The following KAZN variants were observed in gnomAD, a reference collection of about 807,000 sequenced individuals.
KAZN encodes the protein kazrin, periplakin interacting protein, also known as kazrin.
KAZN carries 40 observed loss-of-function variants against 87.4 expected under a neutral mutation model. That is an observed-to-expected ratio of 0.46 (90% CI 0.36 to 0.60). KAZN has a LOEUF of 0.60. Among genes scored for constraint, KAZN ranks in the 20% least tolerant of loss-of-function variants. The pLI, the probability that KAZN is intolerant of heterozygous loss-of-function variation, is 0.00. For synonymous variants in KAZN, 466 were observed against 458.3 expected, an observed-to-expected ratio of 1.02 and a Z score of -0.22; for missense variants, 898 against 1,073.9, an observed-to-expected ratio of 0.84 and a Z score of 2.29.
chr1:14,644,151 A>C (rs1680626154), intron 1 of KAZN, among the ~76,000 whole-genome samples: 1 of 151,360 alleles, frequency 6.6e-6, no homozygotes, highest in African/African-American at 2.4e-5. Flanking sequence ...AGCTGGGATT[A>C]CAGGTGCCCA....
At chr1:14,034,009 G>A (rs1015774492) in intron 1 of KAZN, among the ~76,000 whole-genome samples, 6 of 152,222 alleles carry the variant, frequency 3.9e-5, no homozygotes, top group Non-Finnish European at 8.8e-5. Flanking sequence ...ATGTGGAAAC[G>A]TCTAGCCTGG....
intron 1 of KAZN, among the ~76,000 whole-genome samples, chr1:14,888,347 G>A (rs754487246): frequency 1.2e-4 from 18 of 152,108 alleles, no homozygotes; most frequent in Admixed American, 5.9e-4. Context: ...TTCCAGGGTC[G>A]TCTTGTGCAC....
chr1:14,981,005 C>A (rs1156526443), intron 2 of KAZN, among the ~76,000 whole-genome samples: 1 of 152,170 alleles, frequency 6.6e-6, no homozygotes, highest in Non-Finnish European at 1.5e-5. Flanking sequence ...CCCATGGCCA[C>A]TGGGTCTTCC....
intron 1 of KAZN, among the ~76,000 whole-genome samples, chr1:14,019,444 T>C (rs1344757296): frequency 6.6e-6 from 1 of 152,202 alleles, no homozygotes; most frequent in African/African-American, 2.4e-5. Context: ...ATGGTCACTC[T>C]TTTCCTAGCC....
intron 1 of KAZN, among the ~76,000 whole-genome samples, chr1:14,635,139 C>T (rs1003126560): frequency 1.3e-5 from 2 of 152,158 alleles, no homozygotes; most frequent in Non-Finnish European, 2.9e-5. Context: ...ATTCAGTGAA[C>T]GTGAGCTTTG....
At chr1:14,595,964 G>T (rs929404083), upstream of KAZN, among the ~76,000 whole-genome samples, 2 of 152,118 alleles carry the variant, frequency 1.3e-5, no homozygotes. Flanking sequence ...GGGATGAGAA[G>T]GGGCTCAAGG....
chr1:14,405,052 T>TG (rs1173986027), intron 2 of KAZN, among the ~76,000 whole-genome samples: 1 of 152,044 alleles, frequency 6.6e-6, no homozygotes, highest in East Asian at 1.9e-4. Context: ...TTGTGTGTGG[T>TG]GGGGGGTAGG....
intron 2 of KAZN, among the ~76,000 whole-genome samples, chr1:14,421,104 T>G (rs1007687198): frequency 6.6e-6 from 1 of 152,350 alleles, no homozygotes; most frequent in African/African-American, 2.4e-5. Context: ...TCTTAAACAC[T>G]ATGCCTTAGG....
intron 1 of KAZN, among the ~76,000 whole-genome samples, chr1:14,042,470 G>A (rs927962673): frequency 2.0e-5 from 3 of 152,116 alleles, no homozygotes; most frequent in Non-Finnish European, 4.4e-5. Context: ...TCCTGAGCAG[G>A]TCTAGGGTTC....
chr1:14,860,650 G>A (rs142209934), intron 1 of KAZN, among the ~76,000 whole-genome samples: 16 of 152,206 alleles, frequency 1.1e-4, no homozygotes, highest in African/African-American at 3.9e-4. Context: ...AAAGAAAATC[G>A]GTATTTTCTG....
chr1:14,354,307 A>C (rs1307753722), intron 2 of KAZN, among the ~76,000 whole-genome samples: 1 of 152,208 alleles, frequency 6.6e-6, no homozygotes, highest in African/African-American at 2.4e-5. Flanking sequence ...GGATGAAAAA[A>C]AGAAATGGAC....
intron 2 of KAZN, among the ~76,000 whole-genome samples, chr1:14,520,293 C>T (rs6429664): frequency 0.52 from 78,590 of 151,276 alleles, 20,626 homozygotes; most frequent in South Asian, 0.69. Flanking sequence ...TTCTCTCCTC[C>T]GGTGGCCACA....
chr1:14,233,321 G>C (rs1300062163), intron 2 of KAZN, among the ~76,000 whole-genome samples: 1 of 152,038 alleles, frequency 6.6e-6, no homozygotes, highest in Non-Finnish European at 1.5e-5. Context: ...TATTTTTGTA[G>C]AGACAGTCTC....
chr1:14,154,953 T>TCTTCCTTCCTTCCTTCCTTCCTTCCTTC (rs77458563), intron 1 of KAZN, among the ~76,000 whole-genome samples: 3,808 of 134,762 alleles, frequency 0.028, 268 homozygotes, highest in African/African-American at 0.085. Context: ...TTGTAGTTTT[T>TCTTCCTTCCTTCCTTCCTTCCTTCCTTC]CTTCCTTCCT....
intron 1 of KAZN, among the ~76,000 whole-genome samples, chr1:14,914,868 T>C (rs1006581558): frequency 6.6e-6 from 1 of 152,212 alleles, no homozygotes; most frequent in African/African-American, 2.4e-5. Context: ...ATAGTACTGG[T>C]ACTTACATAG....
At chr1:14,619,059 G>C (rs1415208589) in intron 1 of KAZN, among the ~76,000 whole-genome samples, 4 of 152,174 alleles carry the variant, frequency 2.6e-5, no homozygotes, top group Non-Finnish European at 5.9e-5. Flanking sequence ...GGGTGGGATG[G>C]GAGAATTAAT....
chr1:14,040,500 G>C (rs934086128), intron 1 of KAZN, among the ~76,000 whole-genome samples: 1 of 152,202 alleles, frequency 6.6e-6, no homozygotes, highest in African/African-American at 2.4e-5. Context: ...GGTGGCTCAT[G>C]CCTGTAATTC....
At chr1:14,775,101 C>T (rs1466562094) in intron 1 of KAZN, among the ~76,000 whole-genome samples, 1 of 152,204 alleles carries the variant, frequency 6.6e-6, no homozygotes, top group Non-Finnish European at 1.5e-5. Flanking sequence ...TTACAATAGA[C>T]AGTGCTTGGT....
chr1:14,855,357 A>C lies in KAZN; in HGVS notation c.227-105327A>C, dbSNP rs1649966101. On this transcript the variant is annotated intron_variant, in intron 1 of 14. Coordinates refer to ENST00000376030, the MANE Select transcript of KAZN (RefSeq NM_201628.3). ...GAATTTGCACCCTGCATGAAAGTTAAATTGCTGCCTTTTGTCATTTTTTTG... is the reference window on the plus strand; with the variant it reads ...GAATTTGCACCCTGCATGAAAGTTACATTGCTGCCTTTTGTCATTTTTTTG... 7.2e-5 allele frequency among the ~76,000 whole-genome samples: 11 copies of C among 152,108 alleles called. 1 individual carries two copies. Among genetic ancestry groups the C allele is most frequent in the Admixed American group, 7.2e-4 (11 of 15,276 alleles).
Sources: allele counts gnomAD v4.1 joint callset (sites outside exome capture counted in the v4.1 genomes callset), GRCh38; gene constraint gnomAD v4.1.1; transcripts MANE v1.5; gene names NCBI Gene and HGNC (gene_info 2026-07-23, HGNC 2026-07-21).